The following PIP5K1B variants were observed in gnomAD, a reference collection of about 807,000 sequenced individuals.
PIP5K1B encodes phosphatidylinositol 4-phosphate 5-kinase type-1 beta.
A neutral mutation model predicts 67.0 loss-of-function variants in PIP5K1B; 42 were observed. That is an observed-to-expected ratio of 0.63 (90% CI 0.49 to 0.81). The LOEUF (loss-of-function observed/expected upper bound fraction) is 0.81, where lower values mean the gene tolerates loss of function less well. Ranked by LOEUF, PIP5K1B falls within the 30% of genes least tolerant of loss-of-function variation. The probability of loss-of-function intolerance (pLI) is 0.00; values close to 1 mark genes in which losing one functional copy is unlikely to be tolerated. For synonymous variants in PIP5K1B, 214 were observed against 231.4 expected, an observed-to-expected ratio of 0.92 and a Z score of 0.68; for missense variants, 459 against 646.3, an observed-to-expected ratio of 0.71 and a Z score of 3.14.
In PIP5K1B at chr9:68,775,021, C is replaced by T. The variant is rs74321752; in HGVS notation, c.-86+32364C>T. On this transcript the variant is annotated intron_variant, in intron 2 of 15. Transcript: ENST00000265382. Reference sequence around the variant, plus strand: ...TGTGAATCCAAACCTATTACCAAGTCGGTGTAACCATCACTTATTTGCAGT... The same window carrying T: ...TGTGAATCCAAACCTATTACCAAGTTGGTGTAACCATCACTTATTTGCAGT... Among the ~76,000 whole-genome samples, 531 of 152,288 alleles carry T rather than the reference C, an allele frequency of 3.5e-3. 1 individual carries two copies. Among genetic ancestry groups the T allele is most frequent in the Non-Finnish European group, 4.8e-3 (327 of 68,022 alleles).
chr9:68,771,659 T>A (rs1830676312), intron 2 of PIP5K1B, among the ~76,000 whole-genome samples: 1 of 152,164 alleles, frequency 6.6e-6, no homozygotes, highest in African/African-American at 2.4e-5. Flanking sequence ...TCTGGCTGGG[T>A]GTGAACTACC....
intron 14 of PIP5K1B, among the ~76,000 whole-genome samples, chr9:68,952,416 G>A (rs1828127084): frequency 6.6e-6 from 1 of 152,122 alleles, no homozygotes; most frequent in South Asian, 2.1e-4. Flanking sequence ...CCATCATTCT[G>A]GGGATTCTAG....
At chr9:68,860,758 G>A (rs965232610) in intron 4 of PIP5K1B, among the ~76,000 whole-genome samples, 11 of 152,140 alleles carry the variant, frequency 7.2e-5, no homozygotes, top group Non-Finnish European at 1.2e-4. Flanking sequence ...TATGCCTCAC[G>A]GTTCTGGAGA....
At chr9:68,721,981 T>G (rs944188270) in intron 1 of PIP5K1B, among the ~76,000 whole-genome samples, 2 of 152,262 alleles carry the variant, frequency 1.3e-5, no homozygotes, top group Non-Finnish European at 2.9e-5. Context: ...TCGGAAGACC[T>G]CTCTGAGCCC....
chr9:68,750,989 A>T (rs928959632), intron 2 of PIP5K1B, among the ~76,000 whole-genome samples: 12 of 152,202 alleles, frequency 7.9e-5, no homozygotes, highest in African/African-American at 2.9e-4. Context: ...ACTGCCTGGG[A>T]GTGCCTTTCA....
At chr9:68,827,492 C>T (rs1026984994) in intron 4 of PIP5K1B, among the ~76,000 whole-genome samples, 5 of 152,098 alleles carry the variant, frequency 3.3e-5, no homozygotes, top group Admixed American at 6.5e-5. Context: ...CTGATGACTG[C>T]CATGCTGGGG....
intron 6 of PIP5K1B, among the ~76,000 whole-genome samples, chr9:68,879,295 C>T (rs551090956): frequency 5.3e-5 from 8 of 152,282 alleles, no homozygotes; most frequent in Admixed American, 1.3e-4. Context: ...CAGCCAGGCA[C>T]GGTGGCTCAT....
At chr9:68,925,385 C>T (rs1826638124) in intron 12 of PIP5K1B, among the ~76,000 whole-genome samples, 1 of 152,144 alleles carries the variant, frequency 6.6e-6, no homozygotes, top group South Asian at 2.1e-4. Context: ...CCTTAGCCAG[C>T]ATTGTGGTTT....
chr9:68,862,864 A>G (rs1227945734), intron 4 of PIP5K1B, among the ~76,000 whole-genome samples: 3 of 151,310 alleles, frequency 2.0e-5, no homozygotes, highest in South Asian at 2.1e-4. Context: ...ACCATATTCT[A>G]TCATAGAAAT....
chr9:68,925,014 A>G (rs1053614055), intron 12 of PIP5K1B, among the ~76,000 whole-genome samples: 1 of 152,148 alleles, frequency 6.6e-6, no homozygotes, highest in Non-Finnish European at 1.5e-5. Flanking sequence ...TTTTCACATA[A>G]CATTATAACA....
At chr9:68,877,948 C>G (rs917136663) in intron 6 of PIP5K1B, among the ~76,000 whole-genome samples, 1 of 151,946 alleles carries the variant, frequency 6.6e-6, no homozygotes, top group Non-Finnish European at 1.5e-5. Flanking sequence ...ACTCCCCTTT[C>G]ATTGAAGCCT....
chr9:68,757,317 A>G (rs1429589185), intron 2 of PIP5K1B, among the ~76,000 whole-genome samples: 1 of 152,170 alleles, frequency 6.6e-6, no homozygotes, highest in Non-Finnish European at 1.5e-5. Context: ...TTTCAGTAAA[A>G]AATTACATTT....
At chr9:68,745,605 C>T (rs886548526) in intron 2 of PIP5K1B, among the ~76,000 whole-genome samples, 13 of 152,194 alleles carry the variant, frequency 8.5e-5, no homozygotes, top group African/African-American at 3.1e-4. Context: ...TTCACTCCAG[C>T]CTCTTCCTCT....
At chr9:68,939,414 G>A (rs894868562) in intron 13 of PIP5K1B, among the ~76,000 whole-genome samples, 3 of 152,296 alleles carry the variant, frequency 2.0e-5, no homozygotes, top group African/African-American at 7.2e-5. Context: ...GGTTATTTTT[G>A]ACACCCAGTT....
In PIP5K1B at chr9:68,735,316, C is replaced by CTTTTTTTTTTTTTTTT. The variant is rs558810934; in HGVS notation, c.-242-7172_-242-7157dup. ...CAGATTTGCTGTTTTCCCCTAGTGT[C>CTTTTTTTTTTTTTTTT]TTTTTTTTTTTTTTTTTTTTTTTTT... is the stretch of plus-strand genomic sequence containing the variant. On this transcript the variant is annotated intron_variant, in intron 1 of 15. Coordinates refer to ENST00000265382, the MANE Select transcript of PIP5K1B (RefSeq NM_003558.4). 7.0e-3 allele frequency among the ~76,000 whole-genome samples: 210 copies of CTTTTTTTTTTTTTTTT among 29,810 alleles called. 60 individuals are homozygous for CTTTTTTTTTTTTTTTT. The highest frequency in any genetic ancestry group is 9.0e-3 in the Admixed American group (16 of 1,770). 19.6% of individuals were successfully genotyped at this position (29,810 alleles called of 152,430 possible). A position where few individuals can be genotyped will look rare whatever the true frequency, so the allele number is the denominator to read the frequency against.
rs768994126 is a variant in PIP5K1B at position 68,923,402 on chromosome 9, A to ATT, written c.1201+26_1201+27dup. The ATT allele has an allele frequency of 1.9e-5, 23 of 1,185,728 alleles. No individual in the cohort carries two copies. The highest frequency in any genetic ancestry group is 4.7e-5 in the African/African-American group (3 of 63,328). The allele number at this position is 1,185,728 out of a possible 1,614,324, so 73.5% of individuals were successfully genotyped here. On this transcript the variant is annotated intron_variant, in intron 12 of 15. Coordinates refer to ENST00000265382, the MANE Select transcript of PIP5K1B (RefSeq NM_003558.4). ...AAAATTCAAGGTAAGATTCTTATGA[A>ATT]TTTTTTTTTTTACTTTTAGCAGCTA...
intron 6 of PIP5K1B, among the ~76,000 whole-genome samples, chr9:68,877,066 G>A (rs1823933959): frequency 6.6e-6 from 1 of 152,128 alleles, no homozygotes; most frequent in Non-Finnish European, 1.5e-5. Flanking sequence ...TAACAGATAT[G>A]TTATAATTAG....
At chr9:68,995,086 G>C (rs1830545335) in intron 15 of PIP5K1B, among the ~76,000 whole-genome samples, 1 of 151,864 alleles carries the variant, frequency 6.6e-6, no homozygotes, top group African/African-American at 2.4e-5. Flanking sequence ...TGAGGTTGCA[G>C]TGAGCCATGA....
intron 2 of PIP5K1B, among the ~76,000 whole-genome samples, chr9:68,770,041 G>A (rs751893494): frequency 4.6e-5 from 7 of 152,032 alleles, no homozygotes; most frequent in Non-Finnish European, 7.4e-5. Context: ...ACCAGTTCCT[G>A]CCCTGAAAAA....
Sources: allele counts gnomAD v4.1 joint callset (sites outside exome capture counted in the v4.1 genomes callset), GRCh38; gene constraint gnomAD v4.1.1; transcripts MANE v1.5; gene names NCBI Gene and HGNC (gene_info 2026-07-23, HGNC 2026-07-21).